The following HS3ST4 variants were observed in gnomAD, a reference collection of about 807,000 sequenced individuals.
The protein encoded by HS3ST4 is heparan sulfate glucosamine 3-O-sulfotransferase 4.
Under a neutral mutation model 29.2 loss-of-function variants are expected in HS3ST4, and 17 were observed. The ratio of observed to expected loss-of-function variants is 0.58; its 90% CI spans 0.40 to 0.87. The LOEUF is 0.87. Ranked by LOEUF, HS3ST4 falls within the 40% of genes least tolerant of loss-of-function variation. HS3ST4 has a pLI of 0.00. For synonymous variants in HS3ST4, 314 were observed against 285.7 expected (o/e 1.10, Z -1.00); for missense variants, 627 against 634.5 (o/e 0.99, Z 0.13).
chr16:25,692,586 G>A lies in HS3ST4; in HGVS notation c.169G>A (p.Gly57Ser). 1 of 1,422,564 alleles carries A rather than the reference G, an allele frequency of 7.0e-7. No homozygotes were observed. Among genetic ancestry groups the A allele is most frequent in the South Asian group, 1.3e-5 (1 of 74,328 alleles). The allele number at this position is 1,422,564 out of a possible 1,614,324, so 88.1% of individuals were successfully genotyped here. Reference protein sequence around the residue: ...YLCYSLLGGSGSLQFPLALQE... With the variant: ...YLCYSLLGGSSSLQFPLALQE... ...GTGCTACAGCCTCCTGGGCGGCTCG[G>A]GCTCCCTGCAATTCCCTCTGGCGCT... The change falls in exon 1 of 2, where the codon GGC (glycine) becomes AGC (serine). Residue 57 changes from glycine to serine, a missense_variant. Around this residue, in one of 2 missense-constraint regions of HS3ST4, gnomAD observed 402 missense variants for 340.8 expected, o/e 1.18. Transcript: ENST00000331351.
chr16:26,096,288 C>T (rs184142816), intron 1 of HS3ST4, among the ~76,000 whole-genome samples: 20 of 152,022 alleles, frequency 1.3e-4, no homozygotes, highest in Non-Finnish European at 2.4e-4. Context: ...AGAGACACAA[C>T]AAAAAAAGAG....
chr16:25,765,761 G>A (rs564884804), intron 1 of HS3ST4, among the ~76,000 whole-genome samples: 1 of 152,232 alleles, frequency 6.6e-6, no homozygotes, highest in East Asian at 1.9e-4. Flanking sequence ...GTAATTGTTG[G>A]CCAACCTGTA....
intron 1 of HS3ST4, among the ~76,000 whole-genome samples, chr16:25,971,906 G>C (rs1043129487): frequency 1.3e-5 from 2 of 152,114 alleles, no homozygotes; most frequent in Non-Finnish European, 2.9e-5. Context: ...ACTCCAGCCT[G>C]GGCTACAGAG....
chr16:25,914,420 G>A (rs974512731), intron 1 of HS3ST4, among the ~76,000 whole-genome samples: 10 of 151,556 alleles, frequency 6.6e-5, no homozygotes, highest in South Asian at 2.1e-4. Context: ...TAGAATGTGC[G>A]AGTTATGTGT....
intron 1 of HS3ST4, among the ~76,000 whole-genome samples, chr16:25,795,261 G>A (rs1025870920): frequency 3.9e-5 from 6 of 151,944 alleles, no homozygotes; most frequent in Non-Finnish European, 8.8e-5. Flanking sequence ...GTGAGCCACC[G>A]CACCTGGCCC....
intron 1 of HS3ST4, among the ~76,000 whole-genome samples, chr16:25,810,349 A>G (rs1054311723): frequency 2.0e-5 from 3 of 152,024 alleles, no homozygotes; most frequent in Non-Finnish European, 4.4e-5. Context: ...ATTCTTTTAA[A>G]TTTGTTAAAG....
At chr16:26,089,133 G>A (rs1898822573) in intron 1 of HS3ST4, among the ~76,000 whole-genome samples, 2 of 152,194 alleles carry the variant, frequency 1.3e-5, no homozygotes, top group South Asian at 2.1e-4. Context: ...CAAGTGTCAC[G>A]TGGTAGTCCT....
intron 1 of HS3ST4, among the ~76,000 whole-genome samples, chr16:25,960,347 T>C (rs1968782728): frequency 6.6e-6 from 1 of 151,902 alleles, no homozygotes; most frequent in Non-Finnish European, 1.5e-5. Context: ...GCCTCAGGTG[T>C]TTCTTTATAG....
At chr16:26,129,464 C>T (rs1306482517) in intron 1 of HS3ST4, among the ~76,000 whole-genome samples, 1 of 152,188 alleles carries the variant, frequency 6.6e-6, no homozygotes, top group East Asian at 1.9e-4. Context: ...GTCATTGGAT[C>T]TCAGTTTCCT....
chr16:26,035,870 C>G (rs1440309269), intron 1 of HS3ST4, among the ~76,000 whole-genome samples: 1 of 152,180 alleles, frequency 6.6e-6, no homozygotes, highest in Non-Finnish European at 1.5e-5. Context: ...CACCTTGGAG[C>G]TGAAAGTCAA....
chr16:26,105,810 C>G (rs1899048532), intron 1 of HS3ST4, among the ~76,000 whole-genome samples: 1 of 152,234 alleles, frequency 6.6e-6, no homozygotes, highest in Admixed American at 6.5e-5. Context: ...TTACCTCTAA[C>G]CTGGTCTTCT....
rs770238617 is a variant in HS3ST4 at position 25,693,044 on chromosome 16, G to T, written c.627G>T (p.Gly209=). The T allele has an allele frequency of 6.2e-7, 1 of 1,611,212 alleles. No homozygotes were observed. Among genetic ancestry groups the T allele is most frequent in the Admixed American group, 1.7e-5 (1 of 59,830 alleles). The change falls in exon 1 of 2, where the codon GGG becomes GGT. Residue 209 remains glycine, a synonymous_variant. Transcript: ENST00000331351. Reference sequence around the variant, plus strand: ...TCATCATCGGGGTCAAGAAAGGAGGGACCCGCGCGCTGCTGGAGGCGATCC... The same window carrying T: ...TCATCATCGGGGTCAAGAAAGGAGGTACCCGCGCGCTGCTGGAGGCGATCC... ...QALIIGVKKG[G]TRALLEAIRV...
At chr16:25,765,082 G>A (rs573530994) in intron 1 of HS3ST4, among the ~76,000 whole-genome samples, 83 of 152,338 alleles carry the variant, frequency 5.4e-4, no homozygotes, top group African/African-American at 1.8e-3. Context: ...GACCATTGGA[G>A]CATGGCGGAG....
At chr16:26,096,371 C>T (rs1212675622) in intron 1 of HS3ST4, among the ~76,000 whole-genome samples, 2 of 152,142 alleles carry the variant, frequency 1.3e-5, no homozygotes, top group Admixed American at 6.5e-5. Context: ...CCGAATCCAG[C>T]AGCACATCAA....
chr16:25,859,298 G>A (rs1967614411), intron 1 of HS3ST4, among the ~76,000 whole-genome samples: 1 of 152,114 alleles, frequency 6.6e-6, no homozygotes, highest in African/African-American at 2.4e-5. Context: ...ACTACATCAG[G>A]CTATTTCACA....
In HS3ST4 at chr16:26,032,816, G is replaced by A. The variant is rs577236392; in HGVS notation, c.735-102796G>A. Reference sequence around the variant, plus strand: ...TTCAGCCTTTCTCTTGGGCATGGTGGTGGCGGCGACGGCAGCAGGACGTAG... The same window carrying A: ...TTCAGCCTTTCTCTTGGGCATGGTGATGGCGGCGACGGCAGCAGGACGTAG... On this transcript the variant is annotated intron_variant, in intron 1 of 1. Coordinates refer to ENST00000331351, the MANE Select transcript of HS3ST4 (RefSeq NM_006040.3). 33 of 1,569,922 alleles carry A rather than the reference G, an allele frequency of 2.1e-5. No homozygotes were observed. The East Asian group carries it at 2.5e-4, about 12-fold the overall frequency.
intron 1 of HS3ST4, among the ~76,000 whole-genome samples, chr16:25,997,655 A>G (rs139507234): frequency 7.2e-4 from 110 of 152,280 alleles, no homozygotes; most frequent in African/African-American, 2.3e-3. Context: ...TCTATTCCCA[A>G]TAGTTCCAAC....
At chr16:26,134,570 C>A (rs4485375) in intron 1 of HS3ST4, among the ~76,000 whole-genome samples, 13,449 of 151,914 alleles carry the variant, frequency 0.089, 1,661 homozygotes, top group African/African-American at 0.28. Context: ...CCATATTGGC[C>A]AGGCTGGTCT....
chr16:26,094,626 G>C (rs1339377927), intron 1 of HS3ST4, among the ~76,000 whole-genome samples: 1 of 152,158 alleles, frequency 6.6e-6, no homozygotes, highest in East Asian at 1.9e-4. Context: ...ACTGAACATG[G>C]AAAGAAACAA....
Sources: allele counts gnomAD v4.1 joint callset (sites outside exome capture counted in the v4.1 genomes callset), GRCh38; gene constraint gnomAD v4.1.1; regional missense constraint gnomAD v4.1.1; transcripts MANE v1.5; gene names NCBI Gene and HGNC (gene_info 2026-07-23, HGNC 2026-07-21).